Variants in CATSPERG observed in about 807,000 individuals in gnomAD.
The protein encoded by CATSPERG is cation channel sperm-associated auxiliary subunit gamma.
CATSPERG carries 115 observed loss-of-function variants against 145.0 expected under a neutral mutation model. The ratio of observed to expected loss-of-function variants is 0.79; its 90% CI spans 0.68 to 0.93. The LOEUF (loss-of-function observed/expected upper bound fraction) is 0.93, where lower values mean the gene tolerates loss of function less well. CATSPERG is among the 40% of genes least tolerant of loss of function. The probability of loss-of-function intolerance (pLI) is 0.00; values close to 1 mark genes in which losing one functional copy is unlikely to be tolerated. For synonymous variants in CATSPERG, 588 were observed against 589.0 expected (o/e 1.00, Z 0.02); for missense variants, 1,296 against 1,490.1 (o/e 0.87, Z 2.14).
chr19:38,337,515 C>A lies in CATSPERG; in HGVS notation c.270+11C>A, dbSNP rs368065949. 4.6e-5 allele frequency: 71 copies of A among 1,552,022 alleles called. No homozygotes were observed. The African/African-American group carries it at 8.3e-4, about 18-fold the overall frequency. ...ATCGACCCGAGCGAGGTGAGGGGAC[C>A]AGGGTCAAGTGAACCAGAGGGATTT... On this transcript the variant is annotated intron_variant, in intron 2 of 28. Transcript: ENST00000409235.
At chr19:38,340,593 T>C (rs555672289) in intron 3 of CATSPERG, among the ~76,000 whole-genome samples, 1 of 152,000 alleles carries the variant, frequency 6.6e-6, no homozygotes, top group Non-Finnish European at 1.5e-5. Context: ...GTGCTGGGAT[T>C]ATAGATGTGA....
rs781413856 is a variant in CATSPERG at position 38,370,594 on chromosome 19, G to A, written c.3282G>A (p.Val1094=). The A allele has an allele frequency of 1.9e-6, 3 of 1,614,116 alleles. No homozygotes were observed. In the South Asian group the frequency reaches 3.3e-5, roughly 18 times the overall value. ...YIAFCLLWPL[V]VKGCTMIRWK... ...CCTTCTGCCTCCTGTGGCCCCTCGT[G>A]GTGAAGGGCTGCACGATGATCCGGT... Residue 1094 remains valine, a synonymous_variant, in exon 29 of 29, where the codon GTG becomes GTA. Coordinates refer to ENST00000409235, the MANE Select transcript of CATSPERG (RefSeq NM_021185.5).
At chr19:38,356,390 G>A in intron 9 of CATSPERG, 94 bp from the exon 10 acceptor site, 2 of 1,045,952 alleles carry the variant, frequency 1.9e-6, no homozygotes, top group Non-Finnish European at 3.0e-6. Context: ...GGACGGAGGG[G>A]CTGGTGGGCA....
Position 38,367,247 on chromosome 19 carries a change from A to G in CATSPERG, c.2705A>G (p.Lys902Arg). 1 of 1,613,962 alleles carries G rather than the reference A, an allele frequency of 6.2e-7. No individual in the cohort carries two copies. Among genetic ancestry groups the G allele is most frequent in the Non-Finnish European group, 8.5e-7 (1 of 1,180,016 alleles). ...TACACGCTGGAATACAGCCGCCTGA[A>G]GAACAAACACTACTTTGACTGCGTT... ...ITYTLEYSRL[K>R]NKHYFDCVNV... is the part of the protein sequence containing the mutation. Residue 902 changes from lysine to arginine, a missense_variant, in exon 23 of 29, where the codon AAG (lysine) becomes AGG (arginine). Lys to Arg is a conservative substitution (Grantham distance 26). Transcript: ENST00000409235.
chr19:38,369,869 A>G, intron 26 of CATSPERG, 103 bp from the exon 27 acceptor site: 2 of 997,346 alleles, frequency 2.0e-6, no homozygotes, highest in Non-Finnish European at 3.2e-6. Flanking sequence ...ATGAGATTGC[A>G]CCCATTTGGT....
intron 11 of CATSPERG, chr19:38,357,961 A>T: frequency 3.7e-6 from 1 of 268,916 alleles, no homozygotes; most frequent in Non-Finnish European, 7.1e-6. Context: ...CGAAAAAAAA[A>T]AAAATTAGCT....
intron 1 of CATSPERG, 136 bp from the exon 2 acceptor site, chr19:38,337,085 A>C (rs1352851931): frequency 9.4e-7 from 1 of 1,063,718 alleles, no homozygotes; most frequent in Non-Finnish European, 1.3e-6. Context: ...GAGCAAGTGC[A>C]GGGGCGGGGC....
In CATSPERG at chr19:38,370,702, A is replaced by T; in HGVS notation, c.3390A>T (p.Arg1130Ser). The T allele has an allele frequency of 6.2e-7, 1 of 1,614,046 alleles. No individual in the cohort carries two copies. Among genetic ancestry groups the T allele is most frequent in the Non-Finnish European group, 8.5e-7 (1 of 1,179,998 alleles). Residue 1130 changes from arginine to serine, a missense_variant, in exon 29 of 29, where the codon AGA becomes AGT. Arg to Ser is a moderately radical substitution (Grantham distance 110, BLOSUM62 -1). Coordinates refer to ENST00000409235, the MANE Select transcript of CATSPERG (RefSeq NM_021185.5). ...ISGISSMPSLRHSRMGSMFSS... is the reference protein window; with the variant it reads ...ISGISSMPSLSHSRMGSMFSS... ...GAATCTCGAGCATGCCGTCTCTGAGACATTCCAGGATGGGCTCCATGTTCA... is the reference window on the plus strand; with the variant it reads ...GAATCTCGAGCATGCCGTCTCTGAGTCATTCCAGGATGGGCTCCATGTTCA...
At chr19:38,367,363 C>T in intron 23 of CATSPERG, 51 bp downstream of exon 23, 1 of 1,585,350 alleles carries the variant, frequency 6.3e-7, no homozygotes, top group Non-Finnish European at 8.6e-7. Context: ...CTTGCCCCCA[C>T]TACTTTGTGC....
At chr19:38,351,126 C>T (rs1970131643) in intron 7 of CATSPERG, among the ~76,000 whole-genome samples, 1 of 152,204 alleles carries the variant, frequency 6.6e-6, no homozygotes, top group African/African-American at 2.4e-5. Context: ...ATTCCTTCCA[C>T]TTGGTACAGC....
At chr19:38,347,238 C>T (rs1336190581) in intron 7 of CATSPERG, among the ~76,000 whole-genome samples, 3 of 151,906 alleles carry the variant, frequency 2.0e-5, no homozygotes, top group South Asian at 2.1e-4. Context: ...AAAAACTGGG[C>T]GTGGTAGTGG....
intron 22 of CATSPERG, 198 bp downstream of exon 22, chr19:38,365,315 T>C: frequency 3.4e-6 from 2 of 583,786 alleles, no homozygotes; most frequent in South Asian, 4.2e-5. Flanking sequence ...TTCACTCTTG[T>C]TGCCCAGGCT....
At position 38,364,917 on chromosome 19, in the gene CATSPERG, C is replaced by T. The variant is rs747043088; in HGVS notation, c.2502C>T (p.Cys834=). 5 of 1,614,078 alleles carry T rather than the reference C, an allele frequency of 3.1e-6. No homozygotes were observed. The highest frequency in any genetic ancestry group is 4.2e-6 in the Non-Finnish European group (5 of 1,179,884). Residue 834 remains cysteine (C), a synonymous_variant, in exon 21 of 29, where the codon TGC becomes TGT. Coordinates refer to ENST00000409235, the MANE Select transcript of CATSPERG (RefSeq NM_021185.5). The part of the protein sequence containing the change: ...FSITLKDKKL[C]YDQGISGHHL... ...TTACGCTCAAGGATAAAAAGCTTTG[C>T]TATGACCAAGGCATTAGTGGACATC...
At chr19:38,370,412 T>C in intron 28 of CATSPERG, 114 bp from the exon 29 acceptor site, 1 of 1,480,776 alleles carries the variant, frequency 6.8e-7, no homozygotes. Context: ...TACTCATTCA[T>C]TTCCTCCTGC....
At chr19:38,356,315 C>T (rs990214096) in intron 9 of CATSPERG, among the ~76,000 whole-genome samples, 169 bp from the exon 10 acceptor site, 3 of 152,070 alleles carry the variant, frequency 2.0e-5, no homozygotes, top group Non-Finnish European at 2.9e-5. Flanking sequence ...ATGACTGTGA[C>T]CAAAGACAGA....
At chr19:38,344,911 T>A (rs1332678296) in intron 6 of CATSPERG, among the ~76,000 whole-genome samples, 23 of 129,388 alleles carry the variant, frequency 1.8e-4, no homozygotes, top group Non-Finnish European at 3.1e-4. Flanking sequence ...ATTTTTTTTT[T>A]TTTTTTTTTT....
chr19:38,350,995 C>T (rs1356602624), intron 7 of CATSPERG, among the ~76,000 whole-genome samples: 1 of 151,936 alleles, frequency 6.6e-6, no homozygotes, highest in African/African-American at 2.4e-5. Flanking sequence ...TCTCAAAAAA[C>T]AAACAAACAA....
intron 2 of CATSPERG, 24 bp downstream of exon 2, chr19:38,337,528 A>G (rs1969862316): frequency 6.4e-7 from 1 of 1,551,902 alleles, no homozygotes; most frequent in Non-Finnish European, 8.7e-7. Flanking sequence ...GGTCAAGTGA[A>G]CCAGAGGGAT....
chr19:38,367,429 C>G, intron 23 of CATSPERG, 80 bp from the exon 24 acceptor site: 1 of 1,562,842 alleles, frequency 6.4e-7, no homozygotes, highest in Non-Finnish European at 8.7e-7. Context: ...TGCGGCATCT[C>G]ACTTTCCCCC....
Sources: allele counts gnomAD v4.1 joint callset (sites outside exome capture counted in the v4.1 genomes callset), GRCh38; gene constraint gnomAD v4.1.1; transcripts MANE v1.5; gene names NCBI Gene and HGNC (gene_info 2026-07-23, HGNC 2026-07-21).